The following CTNND2 variants were observed in gnomAD, a reference collection of about 807,000 sequenced individuals.
The protein encoded by CTNND2 is catenin delta-2.
CTNND2 carries 22 observed loss-of-function variants against 144.4 expected under a neutral mutation model. The ratio of observed to expected loss-of-function variants is 0.15; its 90% CI spans 0.11 to 0.22. The LOEUF (loss-of-function observed/expected upper bound fraction) is 0.22, where lower values mean the gene tolerates loss of function less well. Among genes scored for constraint, CTNND2 ranks in the 10% least tolerant of loss-of-function variants. The pLI, the probability that CTNND2 is intolerant of heterozygous loss-of-function variation, is 1.00. For synonymous variants in CTNND2, 751 were observed against 695.6 expected (o/e 1.08, Z -1.25); for missense variants, 1,353 against 1,618.8 (o/e 0.84, Z 2.82).
chr5:11,303,561 C>T (rs1749828743), intron 9 of CTNND2, among the ~76,000 whole-genome samples: 1 of 152,186 alleles, frequency 6.6e-6, no homozygotes, highest in Admixed American at 6.5e-5. Context: ...CAGACTTCAC[C>T]TTCAATGAAT....
chr5:11,794,608 T>A (rs1221800800), intron 1 of CTNND2, among the ~76,000 whole-genome samples: 1 of 152,224 alleles, frequency 6.6e-6, no homozygotes, highest in Non-Finnish European at 1.5e-5. Context: ...AACTTATACA[T>A]CTTTGTCCAC....
chr5:11,083,829 A>G, intron 15 of CTNND2: 1 of 706,952 alleles, frequency 1.4e-6, no homozygotes, highest in Non-Finnish European at 1.8e-6. Flanking sequence ...CCACCAGGCC[A>G]CCTCCACCCC....
chr5:11,436,171 T>C (rs1205912145), intron 3 of CTNND2, among the ~76,000 whole-genome samples: 1 of 151,938 alleles, frequency 6.6e-6, no homozygotes, highest in Non-Finnish European at 1.5e-5. Context: ...ATATACACTG[T>C]TGTTTGGAAG....
At chr5:11,706,758 T>G (rs1256561464) in intron 2 of CTNND2, among the ~76,000 whole-genome samples, 1 of 152,072 alleles carries the variant, frequency 6.6e-6, no homozygotes, top group Non-Finnish European at 1.5e-5. Flanking sequence ...TAGTTTTTTT[T>G]GATGATGAAC....
intron 7 of CTNND2, among the ~76,000 whole-genome samples, chr5:11,369,320 T>C (rs2149779058): frequency 6.6e-6 from 1 of 152,256 alleles, no homozygotes; most frequent in Non-Finnish European, 1.5e-5. Context: ...ACCTGCTAAT[T>C]CAGTAGGAAG....
Position 11,397,216 on chromosome 5 carries a change from T to G in CTNND2, c.440-13A>C. 1 of 1,612,674 alleles carries G rather than the reference T, an allele frequency of 6.2e-7. No individual in the cohort carries two copies. Among genetic ancestry groups the G allele is most frequent in the Non-Finnish European group, 8.5e-7 (1 of 1,178,908 alleles). On this transcript the variant is annotated splice_polypyrimidine_tract_variant and intron_variant, in intron 5 of 21. Transcript: ENST00000304623. ...AGCAGGCTGGGCCCTGCATTGAAAG[T>G]CATTTAGAGCAGTCAGTGACAGTCT...
At chr5:11,368,385 A>G (rs1330809367) in intron 7 of CTNND2, among the ~76,000 whole-genome samples, 2 of 152,114 alleles carry the variant, frequency 1.3e-5, no homozygotes, top group Non-Finnish European at 2.9e-5. Flanking sequence ...ACTACTGACC[A>G]CTTGGCTGTG....
At chr5:11,799,038 G>A (rs1220978235) in intron 1 of CTNND2, among the ~76,000 whole-genome samples, 1 of 152,054 alleles carries the variant, frequency 6.6e-6, no homozygotes, top group Non-Finnish European at 1.5e-5. Context: ...CTGAATCCTG[G>A]TTTGTCAATA....
At chr5:11,750,048 T>C (rs577544115) in intron 1 of CTNND2, among the ~76,000 whole-genome samples, 3 of 151,938 alleles carry the variant, frequency 2.0e-5, no homozygotes, top group Admixed American at 1.3e-4. Context: ...TTGACTTTCT[T>C]CCTATTCTTC....
At chr5:11,168,092 T>C (rs1276959883) in intron 11 of CTNND2, among the ~76,000 whole-genome samples, 1 of 152,110 alleles carries the variant, frequency 6.6e-6, no homozygotes, top group Non-Finnish European at 1.5e-5. Flanking sequence ...TCAGTTAATA[T>C]TACAGACAAA....
At chr5:11,154,235 G>C (rs1758011057) in intron 12 of CTNND2, among the ~76,000 whole-genome samples, 1 of 152,200 alleles carries the variant, frequency 6.6e-6, no homozygotes, top group Non-Finnish European at 1.5e-5. Flanking sequence ...ATGTTCAGAA[G>C]CTAGTTCAAT....
intron 2 of CTNND2, among the ~76,000 whole-genome samples, chr5:11,575,558 T>C (rs1444388908): frequency 6.6e-6 from 1 of 152,196 alleles, no homozygotes; most frequent in African/African-American, 2.4e-5. Flanking sequence ...ACAGAAATAT[T>C]TGAGTGACAA....
Position 11,726,468 on chromosome 5 carries a change from A to T in CTNND2, c.174+5668T>A, listed in dbSNP as rs150015556. On this transcript the variant is annotated intron_variant, in intron 2 of 21. Transcript: ENST00000304623. ...TTGCAGCTACCTCTGTTTGTGGTGA[A>T]TTTTCAAAATAAAAAAAACCCAATT... is the stretch of plus-strand genomic sequence containing the variant. Among the ~76,000 whole-genome samples, 882 of 152,254 alleles carry T rather than the reference A, an allele frequency of 5.8e-3. 10 individuals carry two copies. The highest frequency in any genetic ancestry group is 0.02 in the African/African-American group (842 of 41,542).
intron 1 of CTNND2, among the ~76,000 whole-genome samples, chr5:11,895,601 T>G (rs1194311081): frequency 6.6e-6 from 1 of 152,174 alleles, no homozygotes; most frequent in Non-Finnish European, 1.5e-5. Context: ...AGTAAAATGT[T>G]TCCTTAAAGA....
intron 3 of CTNND2, among the ~76,000 whole-genome samples, chr5:11,424,224 A>G (rs992830247): frequency 6.6e-6 from 1 of 152,254 alleles, no homozygotes; most frequent in Non-Finnish European, 1.5e-5. Flanking sequence ...AACATGCAAC[A>G]ACTCTCAAGG....
chr5:11,075,865 C>T (rs1253898329), intron 16 of CTNND2, among the ~76,000 whole-genome samples: 1 of 152,232 alleles, frequency 6.6e-6, no homozygotes, highest in African/African-American at 2.4e-5. Context: ...GTTCTCTGGA[C>T]ACCGTAGAAA....
intron 16 of CTNND2, among the ~76,000 whole-genome samples, chr5:11,041,267 A>G (rs1744669691): frequency 6.6e-6 from 1 of 152,232 alleles, no homozygotes; most frequent in Non-Finnish European, 1.5e-5. Context: ...CATAGATGAC[A>G]TTATGTAGTG....
intron 3 of CTNND2, among the ~76,000 whole-genome samples, chr5:11,442,001 G>A (rs1032960550): frequency 1.3e-5 from 2 of 151,930 alleles, no homozygotes; most frequent in African/African-American, 4.8e-5. Context: ...ATTCTTTGAT[G>A]CGCCTTTAAA....
chr5:11,738,254 C>G (rs1360228282), intron 1 of CTNND2, among the ~76,000 whole-genome samples: 1 of 152,178 alleles, frequency 6.6e-6, no homozygotes, highest in Admixed American at 6.5e-5. Flanking sequence ...AAAACAGTAT[C>G]TTAAACACAT....
Sources: gnomAD v4.1 joint callset for allele counts (sites outside exome capture counted in the v4.1 genomes callset) on GRCh38, gnomAD v4.1.1 for gene constraint, MANE v1.5 for transcripts, NCBI Gene and HGNC (gene_info 2026-07-23, HGNC 2026-07-21) for gene names.